The following MVB12B variants were observed in gnomAD, a reference collection of about 807,000 sequenced individuals.
MVB12B encodes the protein ESCRT-I complex subunit MVB12B.
Under a neutral mutation model 41.6 loss-of-function variants are expected in MVB12B, and 16 were observed. The ratio of observed to expected loss-of-function variants is 0.38; its 90% CI spans 0.26 to 0.58. The LOEUF is 0.58. MVB12B is among the 20% of genes least tolerant of loss of function. MVB12B has a pLI of 0.62. For missense variants in MVB12B, 274 were observed against 380.2 expected (o/e 0.72, Z 2.32); for synonymous variants, 133 against 139.7 (o/e 0.95, Z 0.34).
chr9:126,405,336 C>T (rs1436556681), intron 6 of MVB12B, among the ~76,000 whole-genome samples: 1 of 151,834 alleles, frequency 6.6e-6, no homozygotes, highest in Non-Finnish European at 1.5e-5. Flanking sequence ...GCTCTTTGTG[C>T]AGTTGGTTTC....
At chr9:126,441,540 C>T (rs56664616) in intron 7 of MVB12B, among the ~76,000 whole-genome samples, 3 of 152,216 alleles carry the variant, frequency 2.0e-5, no homozygotes, top group African/African-American at 7.2e-5. Context: ...AGGTATTTCT[C>T]TGCAAGATTT....
chr9:126,327,522 A>G (rs943939334), intron 1 of MVB12B, among the ~76,000 whole-genome samples: 1 of 152,164 alleles, frequency 6.6e-6, no homozygotes, highest in Non-Finnish European at 1.5e-5. Context: ...GGAAGGTGAC[A>G]TGCCCAGCCT....
intron 7 of MVB12B, among the ~76,000 whole-genome samples, chr9:126,465,487 G>A (rs1232020028): frequency 2.0e-5 from 3 of 152,042 alleles, no homozygotes; most frequent in Admixed American, 2.0e-4. Context: ...CTCTCAGATG[G>A]GGGCACAGAC....
At chr9:126,384,418 A>G (rs944878118) in intron 3 of MVB12B, among the ~76,000 whole-genome samples, 15 of 152,256 alleles carry the variant, frequency 9.9e-5, no homozygotes, top group South Asian at 4.1e-4. Context: ...AATTGGTTTC[A>G]TTTGTGTACT....
chr9:126,361,033 TGTG>T (rs1167716811), intron 2 of MVB12B, among the ~76,000 whole-genome samples: 1 of 152,236 alleles, frequency 6.6e-6, no homozygotes, highest in Non-Finnish European at 1.5e-5. Flanking sequence ...TCCATTTAAT[TGTG>T]GTGTTTAGCC....
intron 9 of MVB12B, among the ~76,000 whole-genome samples, chr9:126,502,302 G>A (rs1833974756): frequency 6.6e-6 from 1 of 151,992 alleles, no homozygotes; most frequent in Non-Finnish European, 1.5e-5. Context: ...CCCCGTGCCT[G>A]CTCTGCCCAC....
At position 126,459,717 on chromosome 9, in the gene MVB12B, G is replaced by A. The variant is rs911971106; in HGVS notation, c.758-21652G>A. Among the ~76,000 whole-genome samples, 17 of 152,248 alleles carry A rather than the reference G, an allele frequency of 1.1e-4. No individual in the cohort carries two copies. The highest frequency in any genetic ancestry group is 3.6e-4 in the African/African-American group (15 of 41,548). On this transcript the variant is annotated intron_variant, in intron 7 of 9. Coordinates refer to ENST00000361171, the MANE Select transcript of MVB12B (RefSeq NM_033446.3). This position sits in a 1 kb window ranked among gnomAD's most constrained non-coding sequence, Gnocchi z 4.3. Reference sequence around the variant, plus strand: ...CTGGATGTGGGGCAGCTTGGAGTGCGCAGTTGTTACAGCGCTCACAGGGGC... The same window carrying A: ...CTGGATGTGGGGCAGCTTGGAGTGCACAGTTGTTACAGCGCTCACAGGGGC...
At chr9:126,437,199 T>C (rs1832503037) in intron 7 of MVB12B, among the ~76,000 whole-genome samples, 2 of 152,226 alleles carry the variant, frequency 1.3e-5, no homozygotes, top group African/African-American at 4.8e-5. Context: ...TTTGCTTGCG[T>C]AAACTCCATA....
Position 126,473,446 on chromosome 9 carries a change from G to A in MVB12B, c.758-7923G>A, listed in dbSNP as rs190885920. ...ATACCTGAGACTGGGTAATTTATAAGAAAAGGTTTAATTGACTCATGGTTC... is the reference window on the plus strand; with the variant it reads ...ATACCTGAGACTGGGTAATTTATAAAAAAAGGTTTAATTGACTCATGGTTC... On this transcript the variant is annotated intron_variant, in intron 7 of 9. Coordinates refer to ENST00000361171, the MANE Select transcript of MVB12B (RefSeq NM_033446.3). This position sits in a 1 kb window ranked among gnomAD's most constrained non-coding sequence, Gnocchi z 4.0. Among the ~76,000 whole-genome samples the A allele has an allele frequency of 5.0e-4, 76 of 152,336 alleles. No homozygotes were observed. The highest frequency in any genetic ancestry group is 1.7e-3 in the African/African-American group (70 of 41,566).
At chr9:126,349,616 T>C (rs1431974849) in intron 2 of MVB12B, among the ~76,000 whole-genome samples, 2 of 152,174 alleles carry the variant, frequency 1.3e-5, no homozygotes, top group Non-Finnish European at 2.9e-5. Flanking sequence ...CCTTTTGGAA[T>C]TGGCTTTTAA....
intron 7 of MVB12B, among the ~76,000 whole-genome samples, chr9:126,431,190 A>G (rs1832320725): frequency 6.6e-6 from 1 of 152,244 alleles, no homozygotes; most frequent in Non-Finnish European, 1.5e-5. Context: ...TCCTCAGTCC[A>G]GAGAAACTTG....
chr9:126,425,381 C>T (rs1418437480), intron 7 of MVB12B, among the ~76,000 whole-genome samples: 1 of 152,122 alleles, frequency 6.6e-6, no homozygotes, highest in Non-Finnish European at 1.5e-5. Context: ...GGACTTTCAT[C>T]TTTTTTTGGC....
At chr9:126,377,892 T>A (rs903116943) in intron 2 of MVB12B, among the ~76,000 whole-genome samples, 1 of 152,226 alleles carries the variant, frequency 6.6e-6, no homozygotes, top group African/African-American at 2.4e-5. Flanking sequence ...AGATGTCCCC[T>A]TTTTTGGTTT....
intron 7 of MVB12B, among the ~76,000 whole-genome samples, chr9:126,479,832 G>A (rs1273322679): frequency 6.6e-6 from 1 of 152,228 alleles, no homozygotes; most frequent in Non-Finnish European, 1.5e-5. Flanking sequence ...CTAAAATAAA[G>A]TGTGAGCAGA....
intron 7 of MVB12B, among the ~76,000 whole-genome samples, chr9:126,469,468 A>G (rs1286147935): frequency 2.0e-5 from 3 of 152,256 alleles, no homozygotes; most frequent in Non-Finnish European, 4.4e-5. Context: ...TGGCAGAGAA[A>G]GTGCGTCTTC....
intron 3 of MVB12B, among the ~76,000 whole-genome samples, chr9:126,385,085 C>T (rs116317856): frequency 0.013 from 2,029 of 152,174 alleles, 53 homozygotes; most frequent in African/African-American, 0.047. Context: ...TACCCACGCA[C>T]TTTGGCCTCC....
At chr9:126,399,361 C>G (rs1018347497) in intron 6 of MVB12B, among the ~76,000 whole-genome samples, 1 of 152,252 alleles carries the variant, frequency 6.6e-6, no homozygotes, top group African/African-American at 2.4e-5. Context: ...GCACGTCGAT[C>G]AACAGGAGAG....
chr9:126,420,412 C>T (rs62569344), intron 6 of MVB12B, among the ~76,000 whole-genome samples: 19,516 of 152,080 alleles, frequency 0.13, 1,616 homozygotes, highest in East Asian at 0.26. Flanking sequence ...GCTGAGTGTC[C>T]GCCATGAGCT....
At chr9:126,341,464 C>T (rs534829509) in intron 2 of MVB12B, among the ~76,000 whole-genome samples, 1 of 152,276 alleles carries the variant, frequency 6.6e-6, no homozygotes, top group South Asian at 2.1e-4. Flanking sequence ...TGTTCTTATT[C>T]ACTGAAAATG....
Sources: allele counts gnomAD v4.1 joint callset (sites outside exome capture counted in the v4.1 genomes callset), GRCh38; gene constraint gnomAD v4.1.1; non-coding constraint Gnocchi (gnomAD v3.1); transcripts MANE v1.5; gene names NCBI Gene and HGNC (gene_info 2026-07-23, HGNC 2026-07-21).